CNTNAP2: variants seen among roughly 807,000 people sequenced by gnomAD.
CNTNAP2 encodes contactin associated protein 2, also known as contactin-associated protein-like 2.
A neutral mutation model predicts 155.2 loss-of-function variants in CNTNAP2; 98 were observed. The ratio of observed to expected loss-of-function variants is 0.63; its 90% confidence interval spans 0.54 to 0.75. CNTNAP2 has a LOEUF of 0.75. Among genes scored for constraint, CNTNAP2 ranks in the 30% least tolerant of loss-of-function variants. CNTNAP2 has a pLI of 0.00. For missense variants in CNTNAP2, 1,727 were observed against 1,688.1 expected, an observed-to-expected ratio of 1.02 and a Z score of -0.40; for synonymous variants, 651 against 631.2, an observed-to-expected ratio of 1.03 and a Z score of -0.47.
At chr7:148,260,839 G>C (rs1324471844) in intron 20 of CNTNAP2, among the ~76,000 whole-genome samples, 1 of 152,186 alleles carries the variant, frequency 6.6e-6, no homozygotes, top group African/African-American at 2.4e-5. Flanking sequence ...AATGTTTACA[G>C]GCATGTGAGG....
At chr7:148,055,950 G>A (rs963888226) in intron 15 of CNTNAP2, among the ~76,000 whole-genome samples, 4 of 152,134 alleles carry the variant, frequency 2.6e-5, no homozygotes, top group African/African-American at 7.2e-5. Flanking sequence ...TCCTTAGGCC[G>A]TGATGTGCAA....
At chr7:147,074,252 C>A (rs1311489093) in intron 4 of CNTNAP2, among the ~76,000 whole-genome samples, 2 of 152,116 alleles carry the variant, frequency 1.3e-5, no homozygotes, top group East Asian at 3.9e-4. Flanking sequence ...GCTTGATATT[C>A]TTGGATGGTG....
At chr7:147,253,625 G>A (rs935206449) in intron 8 of CNTNAP2, among the ~76,000 whole-genome samples, 4 of 152,222 alleles carry the variant, frequency 2.6e-5, no homozygotes, top group East Asian at 1.9e-4. Flanking sequence ...ATACAAAACC[G>A]CTGTGAGCAA....
intron 8 of CNTNAP2, among the ~76,000 whole-genome samples, chr7:147,174,831 C>A (rs1266649021): frequency 6.6e-6 from 1 of 152,062 alleles, no homozygotes; most frequent in Admixed American, 6.5e-5. Flanking sequence ...TGCTGTAAAC[C>A]TTTGGAGTAC....
Position 147,970,310 on chromosome 7 carries a change from A to T in CNTNAP2, c.2256-7552A>T, listed in dbSNP as rs138662476. Among the ~76,000 whole-genome samples the T allele has an allele frequency of 4.8e-3, 729 of 152,350 alleles. 8 individuals are homozygous for T. The highest frequency in any genetic ancestry group is 0.017 in the African/African-American group (712 of 41,574). On this transcript the variant is annotated intron_variant, in intron 14 of 23. Coordinates refer to ENST00000361727, the MANE Select transcript of CNTNAP2 (RefSeq NM_014141.6). ...TCAAAAATCTTTAGTGTAAGCCATT[A>T]GTAAAATAACTTTCCAGGAAAATTC... is the stretch of plus-strand genomic sequence containing the variant.
intron 17 of CNTNAP2, among the ~76,000 whole-genome samples, chr7:148,154,928 C>A (rs1193082524): frequency 1.3e-5 from 2 of 150,378 alleles, no homozygotes; most frequent in African/African-American, 2.5e-5. Context: ...CAGAGTGAGA[C>A]CACATCTCAA....
intron 10 of CNTNAP2, among the ~76,000 whole-genome samples, chr7:147,443,641 T>A (rs1001856654): frequency 6.6e-5 from 10 of 152,128 alleles, no homozygotes; most frequent in Non-Finnish European, 1.2e-4. Context: ...TTGTAACATT[T>A]TTTTAGCTCT....
At chr7:146,491,676 A>C (rs904730021) in intron 1 of CNTNAP2, among the ~76,000 whole-genome samples, 3 of 152,196 alleles carry the variant, frequency 2.0e-5, no homozygotes, top group African/African-American at 7.2e-5. Context: ...TTACAAACCC[A>C]GTGCTGTTAG....
intron 1 of CNTNAP2, among the ~76,000 whole-genome samples, chr7:146,240,713 A>G (rs1799546635): frequency 6.6e-6 from 1 of 152,230 alleles, no homozygotes; most frequent in South Asian, 2.1e-4. Context: ...AACTAATTCT[A>G]CATAAAGTGG....
intron 2 of CNTNAP2, 122 bp downstream of exon 2, chr7:146,774,503 A>C (rs1036544851): frequency 1.4e-6 from 1 of 707,146 alleles, no homozygotes; most frequent in South Asian, 1.6e-5. Context: ...CACTCCTGCC[A>C]CTTCTATTAA....
At chr7:146,981,110 T>C (rs1362797574) in intron 3 of CNTNAP2, among the ~76,000 whole-genome samples, 2 of 152,176 alleles carry the variant, frequency 1.3e-5, no homozygotes, top group African/African-American at 4.8e-5. Context: ...GCAGAAATAA[T>C]GATGGGCAGT....
intron 3 of CNTNAP2, among the ~76,000 whole-genome samples, chr7:146,966,739 A>C (rs1797666318): frequency 6.6e-6 from 1 of 152,198 alleles, no homozygotes; most frequent in Admixed American, 6.5e-5. Flanking sequence ...ATTCATTAGC[A>C]GGGTTTGAGC....
chr7:146,133,114 G>A (rs1183790813), intron 1 of CNTNAP2, among the ~76,000 whole-genome samples: 1 of 150,224 alleles, frequency 6.7e-6, no homozygotes, highest in Non-Finnish European at 1.5e-5. Flanking sequence ...TCTAACTGGT[G>A]TGAGATGGTA....
Position 146,424,938 on chromosome 7 carries a change from T to C in CNTNAP2, c.97+307965T>C, listed in dbSNP as rs908123448. Among the ~76,000 whole-genome samples, 8 of 151,940 alleles carry C rather than the reference T, an allele frequency of 5.3e-5. 1 individual carries two copies. Among genetic ancestry groups the C allele is most frequent in the Admixed American group, 3.3e-4 (5 of 15,246 alleles). On this transcript the variant is annotated intron_variant, in intron 1 of 23. Transcript: ENST00000361727. The stretch of plus-strand genomic sequence containing the variant: ...CCTCTCTGACATATTGAAAAAAAAA[T>C]TTACAAATGAAGCCTTATAATTATC...
rs140141740 is a variant in CNTNAP2, at chr7:147,242,365, T to G, written c.1349-57776T>G. Among the ~76,000 whole-genome samples, 168 of 152,320 alleles carry G rather than the reference T, an allele frequency of 1.1e-3. 1 individual carries two copies. In the East Asian group the frequency reaches 0.023, roughly 21 times the overall value. On this transcript the variant is annotated intron_variant, in intron 8 of 23. Transcript: ENST00000361727. ...TTAAGGACAAATATCATTGCTGTAG[T>G]CCATGCACCCAGAACTCTGTAATAA...
At chr7:147,826,538 C>T (rs999010535) in intron 13 of CNTNAP2, among the ~76,000 whole-genome samples, 3 of 152,144 alleles carry the variant, frequency 2.0e-5, no homozygotes, top group African/African-American at 7.2e-5. Flanking sequence ...ATAGCACATG[C>T]TATATATATG....
At chr7:146,728,761 A>G (rs1390478606) in intron 1 of CNTNAP2, among the ~76,000 whole-genome samples, 1 of 152,196 alleles carries the variant, frequency 6.6e-6, no homozygotes, top group Non-Finnish European at 1.5e-5. Flanking sequence ...CCATGATCTT[A>G]AATGAAAGGC....
chr7:147,152,566 G>C (rs1801848091), intron 8 of CNTNAP2, among the ~76,000 whole-genome samples: 1 of 151,704 alleles, frequency 6.6e-6, no homozygotes, highest in African/African-American at 2.4e-5. Flanking sequence ...ACTGATCTTG[G>C]TAGTACGAAA....
At chr7:146,435,480 G>T (rs566460892) in intron 1 of CNTNAP2, among the ~76,000 whole-genome samples, 3 of 152,286 alleles carry the variant, frequency 2.0e-5, no homozygotes, top group East Asian at 3.9e-4. Flanking sequence ...ACGAACAAAT[G>T]ATATGAAATC....
Sources: gnomAD v4.1 joint callset for allele counts (sites outside exome capture counted in the v4.1 genomes callset) on GRCh38, gnomAD v4.1.1 for gene constraint, MANE v1.5 for transcripts, NCBI Gene and HGNC (gene_info 2026-07-23, HGNC 2026-07-21) for gene names.